The following RAD21 variants were observed in gnomAD, a reference collection of about 807,000 sequenced individuals.
RAD21 encodes double-strand-break repair protein rad21 homolog.
Under a neutral mutation model 71.5 loss-of-function variants are expected in RAD21, and 18 were observed. The observed-to-expected ratio is 0.25, with a 90% CI of 0.17 to 0.37. The LOEUF (loss-of-function observed/expected upper bound fraction) is 0.37, where lower values mean the gene tolerates loss of function less well. RAD21 is among the 10% of genes least tolerant of loss of function. The pLI, the probability that RAD21 is intolerant of heterozygous loss-of-function variation, is 1.00. For missense variants in RAD21, 493 were observed against 769.1 expected (o/e 0.64, Z 4.25); for synonymous variants, 248 against 254.0 (o/e 0.98, Z 0.22).
intron 4 of RAD21, 34 bp downstream of exon 4, chr8:116,861,807 A>G (rs928579218): frequency 1.3e-6 from 2 of 1,513,006 alleles, no homozygotes; most frequent in Admixed American, 1.7e-5. Context: ...ATTGCAGACC[A>G]AGTCAACAAT....
At chr8:116,865,198 T>C (rs1449768243) in intron 2 of RAD21, among the ~76,000 whole-genome samples, 1 of 152,178 alleles carries the variant, frequency 6.6e-6, no homozygotes, top group Non-Finnish European at 1.5e-5. Flanking sequence ...ATTCCTGAAC[T>C]GTCTGCTTTC....
At chr8:116,864,104 TCAA>T (rs1295106173) in intron 2 of RAD21, among the ~76,000 whole-genome samples, 1 of 152,056 alleles carries the variant, frequency 6.6e-6, no homozygotes, top group Non-Finnish European at 1.5e-5. Context: ...CAGATCTTGA[TCAA>T]CATTAACATG....
chr8:116,861,166 C>G (rs1812585159), intron 4 of RAD21, among the ~76,000 whole-genome samples: 1 of 151,972 alleles, frequency 6.6e-6, no homozygotes. Context: ...TAATTAGAAG[C>G]CACAGATCAT....
chr8:116,873,596 T>A (rs1309588653), intron 1 of RAD21, among the ~76,000 whole-genome samples: 1 of 151,818 alleles, frequency 6.6e-6, no homozygotes, highest in South Asian at 2.1e-4. Context: ...AAGAAGCCGA[T>A]AAACACAAGC....
At chr8:116,850,215 AC>A (rs1812319380) in intron 12 of RAD21, among the ~76,000 whole-genome samples, 1 of 152,146 alleles carries the variant, frequency 6.6e-6, no homozygotes, top group Non-Finnish European at 1.5e-5. Flanking sequence ...CAAAAACAAA[AC>A]CCAGACAAGT....
At chr8:116,848,863 C>T in intron 13 of RAD21, 83 bp downstream of exon 13, 2 of 1,081,658 alleles carry the variant, frequency 1.8e-6, no homozygotes, top group East Asian at 2.7e-5. Flanking sequence ...TTTCTGTTTC[C>T]AGCATCTAAC....
chr8:116,868,941 C>A (rs1345736039), intron 1 of RAD21, among the ~76,000 whole-genome samples: 2 of 151,420 alleles, frequency 1.3e-5, no homozygotes, highest in Non-Finnish European at 1.5e-5. Flanking sequence ...CACACACCCC[C>A]CACAAAACAA....
At chr8:116,872,385 G>C (rs1191251165) in intron 1 of RAD21, among the ~76,000 whole-genome samples, 6 of 152,054 alleles carry the variant, frequency 3.9e-5, no homozygotes, top group African/African-American at 1.4e-4. Flanking sequence ...TTTTAAAAAA[G>C]AATGCTCTTT....
chr8:116,868,715 G>A (rs1175090548), intron 1 of RAD21, among the ~76,000 whole-genome samples: 1 of 151,864 alleles, frequency 6.6e-6, no homozygotes, highest in Non-Finnish European at 1.5e-5. Context: ...TTACTATATA[G>A]CTATAATACT....
At chr8:116,868,604 T>C (rs1812746205) in intron 1 of RAD21, among the ~76,000 whole-genome samples, 1 of 152,148 alleles carries the variant, frequency 6.6e-6, no homozygotes, top group African/African-American at 2.4e-5. Context: ...TTTATATTTA[T>C]AGGCAAGATT....
chr8:116,856,070 T>C (rs1812457040), intron 8 of RAD21, 96 bp downstream of exon 8: 2 of 1,364,396 alleles, frequency 1.5e-6, no homozygotes. Flanking sequence ...GAAGCCTAGT[T>C]ATCTAATACA....
Position 116,847,661 on chromosome 8 carries a change from T to C in RAD21, c.1735A>G (p.Ile579Val), listed in dbSNP as rs780599047. 8.6e-5 allele frequency: 138 copies of C among 1,613,810 alleles called. No homozygotes were observed. The highest frequency in any genetic ancestry group is 1.1e-4 in the Non-Finnish European group (135 of 1,179,918). ...RALAKTGAES[I>V]SLLELCRNTN... ...TTTCGACATAACTCAAGCAAACTGA[T>C]AGATTCAGCTCCAGTTTTAGCAAGA... Residue 579 changes from isoleucine (I) to valine (V), a missense_variant, in exon 14 of 14, where the codon ATC (isoleucine) becomes GTC (valine). This residue lies in a region of RAD21 where 225 missense variants were observed against 218.3 expected (regional missense o/e 1.03). Coordinates refer to ENST00000297338, the MANE Select transcript of RAD21 (RefSeq NM_006265.3).
intron 1 of RAD21, among the ~76,000 whole-genome samples, chr8:116,867,362 G>T (rs1251645128): frequency 1.3e-5 from 2 of 152,098 alleles, no homozygotes. Context: ...CTTAACTTAA[G>T]AACTTACAAA....
chr8:116,865,253 T>C (rs1407288615), intron 2 of RAD21, among the ~76,000 whole-genome samples: 2 of 152,160 alleles, frequency 1.3e-5, no homozygotes, highest in Non-Finnish European at 2.9e-5. Flanking sequence ...GATTGTCTCA[T>C]ACTCGTTTGT....
chr8:116,869,584 A>G (rs1344840013), intron 1 of RAD21, among the ~76,000 whole-genome samples: 1 of 152,156 alleles, frequency 6.6e-6, no homozygotes, highest in Non-Finnish European at 1.5e-5. Context: ...GACTCTGTAT[A>G]AAAAGAAAAA....
At chr8:116,861,151 TA>T (rs2130476197) in intron 4 of RAD21, among the ~76,000 whole-genome samples, 1 of 152,188 alleles carries the variant, frequency 6.6e-6, no homozygotes, top group South Asian at 2.1e-4. Context: ...GGTCATAACT[TA>T]CTCTAATTAG....
intron 4 of RAD21, 71 bp from the exon 5 acceptor site, chr8:116,858,529 A>C: frequency 4.0e-6 from 5 of 1,250,542 alleles, no homozygotes; most frequent in Non-Finnish European, 5.6e-6. Flanking sequence ...AATTCTCTCT[A>C]TAAGAAAAAT....
At chr8:116,858,990 G>GA (rs906086195) in intron 4 of RAD21, among the ~76,000 whole-genome samples, 108 of 142,080 alleles carry the variant, frequency 7.6e-4, no homozygotes, top group East Asian at 2.5e-3. Context: ...AGATGGCAAG[G>GA]AAAAAAAAAA....
intron 7 of RAD21, 113 bp downstream of exon 7, chr8:116,856,533 A>G: frequency 4.7e-6 from 6 of 1,288,092 alleles, no homozygotes; most frequent in Non-Finnish European, 6.2e-6. Context: ...CTGTACTTAA[A>G]GATATTTATA....
Sources: allele counts gnomAD v4.1 joint callset (sites outside exome capture counted in the v4.1 genomes callset), GRCh38; gene constraint gnomAD v4.1.1; regional missense constraint gnomAD v4.1.1; transcripts MANE v1.5; gene names NCBI Gene and HGNC (gene_info 2026-07-23, HGNC 2026-07-21).